The following PRPSAP2 variants were observed in gnomAD, a reference collection of about 807,000 sequenced individuals.
PRPSAP2 encodes the protein phosphoribosyl pyrophosphate synthetase associated protein 2, also known as phosphoribosyl pyrophosphate synthase-associated protein 2.
Under a neutral mutation model 40.6 loss-of-function variants are expected in PRPSAP2, and 24 were observed. The observed-to-expected ratio is 0.59, with a 90% CI of 0.43 to 0.83. PRPSAP2 has a LOEUF of 0.83. Among genes scored for constraint, PRPSAP2 ranks in the 40% least tolerant of loss-of-function variants. PRPSAP2 has a pLI of 0.00. For synonymous variants in PRPSAP2, 149 were observed against 164.7 expected (o/e 0.90, Z 0.73); for missense variants, 292 against 465.6 (o/e 0.63, Z 3.43).
chr17:18,905,614 T>C (rs1472810707), intron 8 of PRPSAP2, among the ~76,000 whole-genome samples: 1 of 151,926 alleles, frequency 6.6e-6, no homozygotes, highest in East Asian at 1.9e-4. Context: ...AGTTTCGCTC[T>C]TGTTGCCCAG....
At chr17:18,909,446 G>A (rs1233057595) in intron 8 of PRPSAP2, among the ~76,000 whole-genome samples, 14 of 151,724 alleles carry the variant, frequency 9.2e-5, no homozygotes, top group Non-Finnish European at 1.6e-4. Context: ...GGGTTTCACC[G>A]TGTTAGCCAG....
chr17:18,901,977 T>C (rs181823239), intron 8 of PRPSAP2, among the ~76,000 whole-genome samples: 2 of 151,988 alleles, frequency 1.3e-5, no homozygotes, highest in Admixed American at 6.6e-5. Context: ...AGCAACGGGA[T>C]CTCCCTATGT....
intron 8 of PRPSAP2, among the ~76,000 whole-genome samples, chr17:18,893,153 CTTTTTTT>C (rs71355574): frequency 6.4e-5 from 8 of 124,990 alleles, no homozygotes; most frequent in Non-Finnish European, 8.4e-5. Context: ...TTCAATTTAT[CTTTTTTT>C]TTTTTTTTTT....
At chr17:18,884,432 G>A (rs991753793) in intron 7 of PRPSAP2, among the ~76,000 whole-genome samples, 1 of 151,916 alleles carries the variant, frequency 6.6e-6, no homozygotes, top group Non-Finnish European at 1.5e-5. Flanking sequence ...TTGAACTCCT[G>A]GGCTCAAGAG....
At chr17:18,875,301 T>C (rs536001127) in intron 5 of PRPSAP2, among the ~76,000 whole-genome samples, 1 of 152,122 alleles carries the variant, frequency 6.6e-6, no homozygotes, top group Non-Finnish European at 1.5e-5. Context: ...TGGTGGCTCA[T>C]GCCTGTAATC....
chr17:18,886,853 G>GA (rs1388004589), intron 7 of PRPSAP2, among the ~76,000 whole-genome samples: 1 of 149,388 alleles, frequency 6.7e-6, no homozygotes, highest in East Asian at 2.0e-4. Context: ...ATGAATATTT[G>GA]ATTCATGAAT....
At chr17:18,872,690 T>C (rs377057037) in intron 5 of PRPSAP2, 41 bp downstream of exon 5, 16 of 1,478,248 alleles carry the variant, frequency 1.1e-5, no homozygotes, top group Non-Finnish European at 1.5e-5. Flanking sequence ...GGTTTCAGTT[T>C]AGGCATGAGT....
Position 18,867,278 on chromosome 17 carries a change from C to T in PRPSAP2, c.120-4C>T, listed in dbSNP as rs1217318128. 1 of 1,613,860 alleles carries T rather than the reference C, an allele frequency of 6.2e-7. No individual in the cohort carries two copies. The highest frequency in any genetic ancestry group is 8.5e-7 in the Non-Finnish European group (1 of 1,179,970). ...TCAGCTTTTTCCCCCTTTCTCTTCT[C>T]TAGGCGGCTAGGGGTGGAGATGGGC... is the stretch of plus-strand genomic sequence containing the variant. On this transcript the variant is annotated splice_polypyrimidine_tract_variant and splice_region_variant and intron_variant, in intron 3 of 11. Transcript: ENST00000268835.
intron 5 of PRPSAP2, among the ~76,000 whole-genome samples, chr17:18,873,093 C>T (rs976847505): frequency 5.3e-5 from 8 of 150,466 alleles, no homozygotes; most frequent in African/African-American, 7.5e-5. Flanking sequence ...CTGCCCGCCT[C>T]GGCCTACCAA....
At chr17:18,905,406 C>T (rs1345264239) in intron 8 of PRPSAP2, among the ~76,000 whole-genome samples, 1 of 152,092 alleles carries the variant, frequency 6.6e-6, no homozygotes, top group African/African-American at 2.4e-5. Flanking sequence ...TGGCAAACCT[C>T]CACAGATCCC....
At chr17:18,902,804 G>C (rs1310867302) in intron 8 of PRPSAP2, among the ~76,000 whole-genome samples, 1 of 148,422 alleles carries the variant, frequency 6.7e-6, no homozygotes, top group Non-Finnish European at 1.5e-5. Context: ...GGGAGGCAGA[G>C]GTTGCAGTTA....
rs143382847 is a variant in PRPSAP2, at chr17:18,898,233, G to A, written c.584+8356G>A. On this transcript the variant is annotated intron_variant, in intron 8 of 11. Transcript: ENST00000268835. ...AGGGTGGTCTCCATCTCTTGACCTC[G>A]CAATCTGCCCACCGCGGCCTCCCAA... 6.9e-3 allele frequency among the ~76,000 whole-genome samples: 1,050 copies of A among 151,944 alleles called. 15 individuals carry two copies. Among genetic ancestry groups the A allele is most frequent in the African/African-American group, 0.023 (972 of 41,442 alleles).
At chr17:18,930,428 G>A in intron 11 of PRPSAP2, 112 bp from the exon 12 acceptor site, 1 of 945,022 alleles carries the variant, frequency 1.1e-6, no homozygotes, top group Non-Finnish European at 1.6e-6. Context: ...TAGATCCACT[G>A]TGTTTTCCTG....
At chr17:18,928,720 A>G in intron 10 of PRPSAP2, 91 bp from the exon 11 acceptor site, 1 of 1,547,948 alleles carries the variant, frequency 6.5e-7, no homozygotes, top group South Asian at 1.1e-5. Flanking sequence ...TTTTCACGGT[A>G]AATGTAGGCA....
intron 1 of PRPSAP2, chr17:18,859,351 G>A (rs2036831858): frequency 1.3e-5 from 2 of 152,250 alleles, no homozygotes; most frequent in African/African-American, 4.8e-5. Context: ...ATTCAGCGGG[G>A]TGCCAAGTCG....
chr17:18,877,621 A>G (rs1260138791), intron 5 of PRPSAP2, 77 bp from the exon 6 acceptor site: 8 of 1,392,638 alleles, frequency 5.7e-6, no homozygotes, highest in Middle Eastern at 3.7e-4. Context: ...CATGAGTAAC[A>G]CACTGCTGAC....
At chr17:18,907,035 T>G (rs1177054629) in intron 8 of PRPSAP2, among the ~76,000 whole-genome samples, 1 of 151,936 alleles carries the variant, frequency 6.6e-6, no homozygotes, top group African/African-American at 2.4e-5. Context: ...GTATCTAGTA[T>G]AGATAGTACT....
intron 8 of PRPSAP2, among the ~76,000 whole-genome samples, chr17:18,892,657 G>A (rs1324680418): frequency 2.1e-5 from 3 of 143,646 alleles, no homozygotes; most frequent in African/African-American, 7.7e-5. Context: ...AAACTCTTGG[G>A]CTCAATCAAT....
intron 10 of PRPSAP2, chr17:18,928,601 G>A (rs916474502): frequency 5.2e-6 from 3 of 576,572 alleles, no homozygotes; most frequent in African/African-American, 3.7e-5. Flanking sequence ...ATAGTGGCAG[G>A]TGCTGTGCAG....
Sources: gnomAD v4.1 joint callset for allele counts (sites outside exome capture counted in the v4.1 genomes callset) on GRCh38, gnomAD v4.1.1 for gene constraint, MANE v1.5 for transcripts, NCBI Gene and HGNC (gene_info 2026-07-23, HGNC 2026-07-21) for gene names.